HDAC8: variants seen among roughly 807,000 people sequenced by gnomAD.
The protein encoded by HDAC8 is histone deacetylase 8.
A neutral mutation model predicts 32.2 loss-of-function variants in HDAC8; 1 was observed. The observed-to-expected ratio is 0.03, with a 90% confidence interval of 0.01 to 0.15. The LOEUF (loss-of-function observed/expected upper bound fraction) is 0.15, where lower values mean the gene tolerates loss of function less well. Ranked by LOEUF, HDAC8 falls within the 10% of genes least tolerant of loss-of-function variation. The pLI is 1.00. For synonymous variants in HDAC8, 108 were observed against 113.9 expected, an observed-to-expected ratio of 0.95 and a Z score of 0.33; for missense variants, 117 against 300.0, an observed-to-expected ratio of 0.39 and a Z score of 4.51.
At chrX:72,392,935 G>A (rs2045652330) in intron 9 of HDAC8, among the ~76,000 whole-genome samples, 1 of 111,772 alleles carries the variant, frequency 8.9e-6, no homozygotes, top group Non-Finnish European at 1.9e-5. Context: ...AACCAGTTGG[G>A]CAAATACCAG....
intron 5 of HDAC8, among the ~76,000 whole-genome samples, chrX:72,493,880 G>A (rs1556011481): frequency 9.0e-6 from 1 of 110,500 alleles, no homozygotes; most frequent in African/African-American, 3.3e-5. Context: ...TCGAGATGGG[G>A]GTTTCACTTT....
At chrX:72,398,293 T>C (rs1335171506) in intron 9 of HDAC8, among the ~76,000 whole-genome samples, 2 of 111,490 alleles carry the variant, frequency 1.8e-5, no homozygotes, top group Non-Finnish European at 3.8e-5. Flanking sequence ...CTTGTTCATA[T>C]CTTTTACTTG....
chrX:72,550,176 T>C (rs2051016481), intron 4 of HDAC8, among the ~76,000 whole-genome samples: 1 of 110,927 alleles, frequency 9.0e-6, no homozygotes, highest in Admixed American at 9.6e-5. Context: ...TTCAGTGGGG[T>C]CCACAACCAA....
intron 4 of HDAC8, among the ~76,000 whole-genome samples, chrX:72,545,209 C>T (rs1556050770): frequency 9.0e-6 from 1 of 111,649 alleles, no homozygotes; most frequent in Non-Finnish European, 1.9e-5. Flanking sequence ...CTATTCTCAG[C>T]AAGGAATGGC....
At chrX:72,423,561 C>A (rs1221144240) in intron 9 of HDAC8, among the ~76,000 whole-genome samples, 1 of 112,208 alleles carries the variant, frequency 8.9e-6, no homozygotes, top group Non-Finnish European at 1.9e-5. Context: ...AAATTTTTGG[C>A]TAAATTAACA....
chrX:72,455,128 A>T (rs1836984216), intron 9 of HDAC8, among the ~76,000 whole-genome samples: 1 of 112,036 alleles, frequency 8.9e-6, no homozygotes, highest in African/African-American at 3.2e-5. Flanking sequence ...GTGCTGAATA[A>T]CTTTGAATCT....
At chrX:72,524,210 T>G (rs1307459303) in intron 4 of HDAC8, among the ~76,000 whole-genome samples, 2 of 112,028 alleles carry the variant, frequency 1.8e-5, no homozygotes, top group Non-Finnish European at 3.8e-5. Context: ...AAAATCTATA[T>G]CTTCATCACT....
intron 9 of HDAC8, among the ~76,000 whole-genome samples, chrX:72,413,252 C>T (rs12851632): frequency 4.1e-5 from 4 of 96,766 alleles, no homozygotes; most frequent in Admixed American, 1.1e-4. Flanking sequence ...TCTCTCCTAA[C>T]GCTGTCCCTC....
intron 9 of HDAC8, among the ~76,000 whole-genome samples, chrX:72,355,345 C>A (rs1416926317): frequency 1.8e-5 from 2 of 111,999 alleles, no homozygotes; most frequent in African/African-American, 6.5e-5. Flanking sequence ...ATGAAAGAGG[C>A]CAGCTGACCT....
At chrX:72,559,866 C>A (rs192878704) in intron 4 of HDAC8, among the ~76,000 whole-genome samples, 1 of 108,433 alleles carries the variant, frequency 9.2e-6, no homozygotes, top group African/African-American at 3.4e-5. Context: ...GGAGCGTCTC[C>A]GCCTGGCAGC....
chrX:72,402,413 C>CTT (rs77739404), intron 9 of HDAC8, among the ~76,000 whole-genome samples: 2 of 68,106 alleles, frequency 2.9e-5, no homozygotes, highest in Admixed American at 1.5e-4. Context: ...GTGTTCTTTT[C>CTT]TTTTTTTTTT....
At chrX:72,431,701 T>C (rs1602799457) in intron 9 of HDAC8, among the ~76,000 whole-genome samples, 1 of 111,763 alleles carries the variant, frequency 8.9e-6, no homozygotes, top group African/African-American at 3.2e-5. Context: ...ATGGCTTCCA[T>C]GTTGCCAAAT....
At chrX:72,456,657 G>C (rs1277183215) in intron 9 of HDAC8, among the ~76,000 whole-genome samples, 1 of 110,564 alleles carries the variant, frequency 9.0e-6, no homozygotes, top group Non-Finnish European at 1.9e-5. Flanking sequence ...AAATTAGCCG[G>C]GTGTGGTGGT....
At chrX:72,383,666 C>G (rs904995226) in intron 9 of HDAC8, among the ~76,000 whole-genome samples, 1 of 110,047 alleles carries the variant, frequency 9.1e-6, no homozygotes, top group African/African-American at 3.3e-5. Context: ...GTCAGGAGAT[C>G]GAGACCACCC....
At chrX:72,509,408 C>T (rs1254906757) in intron 4 of HDAC8, among the ~76,000 whole-genome samples, 1 of 111,841 alleles carries the variant, frequency 8.9e-6, no homozygotes, top group Non-Finnish European at 1.9e-5. Context: ...CCCGCCCGGC[C>T]TCTCTTAGCA....
intron 4 of HDAC8, among the ~76,000 whole-genome samples, chrX:72,515,234 TTC>T (rs1235360942): frequency 1.8e-5 from 2 of 111,203 alleles, no homozygotes; most frequent in East Asian, 2.9e-4. Context: ...CGCCATTCTT[TTC>T]TCTGTTTTTG....
At chrX:72,551,490 C>T (rs782734691) in intron 4 of HDAC8, among the ~76,000 whole-genome samples, 34 of 111,805 alleles carry the variant, frequency 3.0e-4, no homozygotes, top group Non-Finnish European at 6.0e-4. Context: ...TTTAGTTATT[C>T]AAGCTAGCAT....
At chrX:72,425,969 T>A (rs2046627594) in intron 9 of HDAC8, among the ~76,000 whole-genome samples, 2 of 112,266 alleles carry the variant, frequency 1.8e-5, no homozygotes, top group African/African-American at 6.5e-5. Flanking sequence ...CCTTAGAAGC[T>A]GATTCACCAT....
chrX:72,332,269 A>T (rs1468412857), intron 10 of HDAC8, among the ~76,000 whole-genome samples: 1 of 112,727 alleles, frequency 8.9e-6, no homozygotes, highest in East Asian at 2.8e-4. Context: ...GTGTGAACAT[A>T]GTTTTCATTT....
Sources: gnomAD v4.1 joint callset for allele counts (sites outside exome capture counted in the v4.1 genomes callset) on GRCh38, gnomAD v4.1.1 for gene constraint, MANE v1.5 for transcripts, NCBI Gene and HGNC (gene_info 2026-07-23, HGNC 2026-07-21) for gene names.